OCA2: variants seen among roughly 807,000 people sequenced by gnomAD.
OCA2 encodes the protein P protein.
In OCA2, 77 loss-of-function variants were observed where a neutral mutation model predicts 100.2. That is an observed-to-expected ratio of 0.77 (90% confidence interval 0.64 to 0.93). OCA2 has a LOEUF of 0.93. Ranked by LOEUF, OCA2 falls within the 40% of genes least tolerant of loss-of-function variation. The pLI, the probability that OCA2 is intolerant of heterozygous loss-of-function variation, is 0.00. For missense variants in OCA2, 1,062 were observed against 1,089.1 expected, an observed-to-expected ratio of 0.98 and a Z score of 0.35; for synonymous variants, 432 against 439.2, an observed-to-expected ratio of 0.98 and a Z score of 0.21.
At chr15:27,972,948 C>A (rs1180629585) in intron 14 of OCA2, among the ~76,000 whole-genome samples, 1 of 151,692 alleles carries the variant, frequency 6.6e-6, no homozygotes, top group Non-Finnish European at 1.5e-5. Flanking sequence ...TCACTGCAAC[C>A]TCTGCCTCCC....
chr15:27,888,736 G>A (rs1337571259), intron 19 of OCA2, among the ~76,000 whole-genome samples: 2 of 151,964 alleles, frequency 1.3e-5, no homozygotes, highest in Admixed American at 1.3e-4. Flanking sequence ...TCTCTTCCTT[G>A]AAGAAGGCCG....
At chr15:28,039,931 C>A (rs1032026618) in intron 2 of OCA2, among the ~76,000 whole-genome samples, 7 of 151,742 alleles carry the variant, frequency 4.6e-5, no homozygotes, top group Non-Finnish European at 8.8e-5. Context: ...ACTCGGGAGG[C>A]TGAGGCAGGA....
At chr15:27,979,751 G>A (rs1377337222) in intron 14 of OCA2, among the ~76,000 whole-genome samples, 1 of 149,938 alleles carries the variant, frequency 6.7e-6, no homozygotes, top group African/African-American at 2.5e-5. Context: ...CCAGGCTGGA[G>A]TGCAGTGGCA....
At chr15:27,885,791 C>A (rs1252527386) in intron 19 of OCA2, among the ~76,000 whole-genome samples, 1 of 152,160 alleles carries the variant, frequency 6.6e-6, no homozygotes, top group African/African-American at 2.4e-5. Flanking sequence ...ACTGTCAGGA[C>A]CACCCAGGAT....
intron 12 of OCA2, 126 bp downstream of exon 12, chr15:27,986,460 AC>A: frequency 1.4e-6 from 1 of 730,108 alleles, no homozygotes; most frequent in Non-Finnish European, 2.4e-6. Context: ...TGCAGAAGCA[AC>A]CTTTAAAAGA....
the OCA2 span, among the ~76,000 whole-genome samples, chr15:27,748,090 A>C: frequency 6.6e-6 from 1 of 152,176 alleles, no homozygotes; most frequent in African/African-American, 2.4e-5. Flanking sequence ...CTTCAAGCTG[A>C]ACACGAGTCC....
At chr15:27,939,906 G>C (rs2039586318) in intron 18 of OCA2, among the ~76,000 whole-genome samples, 1 of 152,186 alleles carries the variant, frequency 6.6e-6, no homozygotes, top group African/African-American at 2.4e-5. Flanking sequence ...ACTCCTCATT[G>C]CAGGTTTTCC....
At chr15:27,809,214 C>T (rs1395089434) in intron 23 of OCA2, among the ~76,000 whole-genome samples, 1 of 152,238 alleles carries the variant, frequency 6.6e-6, no homozygotes, top group Non-Finnish European at 1.5e-5. Context: ...GGGGATGTTT[C>T]ACTGACTTTG....
chr15:27,787,040 T>C (rs908962775), intron 23 of OCA2, among the ~76,000 whole-genome samples: 1 of 152,130 alleles, frequency 6.6e-6, no homozygotes, highest in African/African-American at 2.4e-5. Flanking sequence ...TTGAGATAAT[T>C]ATGTGGGAGT....
intron 2 of OCA2, among the ~76,000 whole-genome samples, chr15:28,076,166 A>T (rs1459534019): frequency 6.6e-6 from 1 of 152,246 alleles, no homozygotes; most frequent in Non-Finnish European, 1.5e-5. Context: ...AGGAAAGACC[A>T]GAAGGGAACA....
rs147760282 is a variant in OCA2, at chr15:27,932,419, T to G, written c.1952-6165A>C. The stretch of plus-strand genomic sequence containing the variant: ...CCACCTGAGGAATAGGAGCAAAATC[T>G]GGGGAGAGTTTCTTTGTGAAACTGA... On this transcript the variant is annotated intron_variant, in intron 18 of 23. Transcript: ENST00000354638. Among the ~76,000 whole-genome samples, 1,014 of 143,496 alleles carry G rather than the reference T, an allele frequency of 7.1e-3. 6 individuals carry two copies. The highest frequency in any genetic ancestry group is 0.012 in the Non-Finnish European group (769 of 66,496). 94.1% of individuals were successfully genotyped at this position (143,496 alleles called of 152,430 possible).
intron 1 of OCA2, among the ~76,000 whole-genome samples, chr15:28,085,340 A>G (rs935590622): frequency 2.0e-5 from 3 of 152,068 alleles, no homozygotes; most frequent in African/African-American, 7.2e-5. Context: ...CAAGAAGGAA[A>G]TAGAAGCTAC....
intron 3 of OCA2, among the ~76,000 whole-genome samples, chr15:28,029,100 A>G (rs895398174): frequency 5.9e-5 from 9 of 152,236 alleles, no homozygotes; most frequent in African/African-American, 1.9e-4. Flanking sequence ...TAGAATATTC[A>G]TGGGCTCACA....
chr15:27,816,353 G>A (rs2034299132), intron 23 of OCA2, among the ~76,000 whole-genome samples: 1 of 152,144 alleles, frequency 6.6e-6, no homozygotes, highest in Admixed American at 6.5e-5. Flanking sequence ...GCAGCCCTGA[G>A]CAATCCACTC....
At chr15:28,020,824 A>ATT (rs2042570442) in intron 6 of OCA2, among the ~76,000 whole-genome samples, 1 of 152,198 alleles carries the variant, frequency 6.6e-6, no homozygotes, top group Non-Finnish European at 1.5e-5. Context: ...CACTGAGCAG[A>ATT]GGGAAGCACA....
intron 23 of OCA2, among the ~76,000 whole-genome samples, chr15:27,767,203 C>T (rs1357246580): frequency 6.6e-6 from 1 of 152,196 alleles, no homozygotes; most frequent in Non-Finnish European, 1.5e-5. Flanking sequence ...CCCAAATGAG[C>T]TCAACTAACA....
intron 18 of OCA2, among the ~76,000 whole-genome samples, chr15:27,933,042 A>T (rs1178349418): frequency 2.6e-5 from 4 of 152,244 alleles, no homozygotes; most frequent in Non-Finnish European, 4.4e-5. Context: ...GCTTATGGTC[A>T]AATGATCTTT....
chr15:27,951,663 C>A, intron 18 of OCA2, 121 bp downstream of exon 18: 1 of 758,900 alleles, frequency 1.3e-6, no homozygotes. Context: ...CCATCTCAGC[C>A]CTCTCTGGCC....
intron 9 of OCA2, among the ~76,000 whole-genome samples, chr15:27,992,950 T>A (rs1035398110): frequency 5.9e-5 from 9 of 151,926 alleles, no homozygotes; most frequent in African/African-American, 2.2e-4. Flanking sequence ...TCACAAGACC[T>A]CATCTCTACT....
Sources: gnomAD v4.1 joint callset for allele counts (sites outside exome capture counted in the v4.1 genomes callset) on GRCh38, gnomAD v4.1.1 for gene constraint, MANE v1.5 for transcripts, NCBI Gene and HGNC (gene_info 2026-07-23, HGNC 2026-07-21) for gene names.